TAFA1: variants seen among roughly 807,000 people sequenced by gnomAD.
TAFA1 encodes the protein chemokine-like protein TAFA-1.
A neutral mutation model predicts 18.5 loss-of-function variants in TAFA1; 4 were observed. That is an observed-to-expected ratio of 0.22 (90% CI 0.11 to 0.49). The LOEUF is 0.49. TAFA1 is among the 20% of genes least tolerant of loss of function. The pLI is 0.98. For missense variants in TAFA1, 147 were observed against 169.0 expected (o/e 0.87, Z 0.72); for synonymous variants, 56 against 55.2 (o/e 1.01, Z -0.06).
intron 2 of TAFA1, among the ~76,000 whole-genome samples, chr3:68,276,060 A>C (rs1308427391): frequency 6.6e-6 from 1 of 152,028 alleles, no homozygotes; most frequent in African/African-American, 2.4e-5. Context: ...CAATTACAAT[A>C]CCCTGACTGT....
At chr3:68,333,896 C>G (rs1349812239) in intron 2 of TAFA1, among the ~76,000 whole-genome samples, 1 of 152,098 alleles carries the variant, frequency 6.6e-6, no homozygotes, top group Non-Finnish European at 1.5e-5. Context: ...TGAAATAAGC[C>G]ATCCACAGCA....
At chr3:68,490,633 A>G (rs972093367) in intron 3 of TAFA1, among the ~76,000 whole-genome samples, 1 of 151,688 alleles carries the variant, frequency 6.6e-6, no homozygotes, top group Admixed American at 6.6e-5. Context: ...AAAATAAGCC[A>G]CTCTTCTTGC....
intron 2 of TAFA1, among the ~76,000 whole-genome samples, chr3:68,060,869 C>T (rs1007582189): frequency 2.6e-5 from 4 of 152,102 alleles, no homozygotes; most frequent in South Asian, 2.1e-4. Context: ...AGTGGTTAGG[C>T]GCTATATAAT....
intron 2 of TAFA1, among the ~76,000 whole-genome samples, chr3:68,190,472 A>G (rs1195523765): frequency 1.3e-5 from 2 of 151,916 alleles, no homozygotes; most frequent in Non-Finnish European, 2.9e-5. Context: ...ACCCTTTTAG[A>G]GTCCATCACC....
At chr3:68,381,414 C>T (rs1265490009) in intron 2 of TAFA1, among the ~76,000 whole-genome samples, 1 of 151,864 alleles carries the variant, frequency 6.6e-6, no homozygotes, top group Non-Finnish European at 1.5e-5. Context: ...ATGGAATGTT[C>T]TTCCATTTCT....
chr3:68,285,400 T>C (rs1229474046), intron 2 of TAFA1, among the ~76,000 whole-genome samples: 1 of 152,114 alleles, frequency 6.6e-6, no homozygotes, highest in Admixed American at 6.5e-5. Flanking sequence ...TTTTAAGATT[T>C]GTAGATTTTA....
intron 2 of TAFA1, among the ~76,000 whole-genome samples, chr3:68,377,545 C>G (rs926990880): frequency 1.9e-4 from 29 of 152,110 alleles, no homozygotes; most frequent in Non-Finnish European, 4.4e-5. Flanking sequence ...AAATTTGCAG[C>G]CTGATGATGC....
intron 2 of TAFA1, among the ~76,000 whole-genome samples, chr3:68,159,048 C>A (rs2065896979): frequency 6.6e-6 from 1 of 151,942 alleles, no homozygotes; most frequent in South Asian, 2.1e-4. Flanking sequence ...GTTCAATTTG[C>A]TGGGGGCTGA....
chr3:68,071,005 A>G (rs1269249538), intron 2 of TAFA1, among the ~76,000 whole-genome samples: 1 of 152,144 alleles, frequency 6.6e-6, no homozygotes, highest in Non-Finnish European at 1.5e-5. Context: ...ACCCCTCTGA[A>G]CTGTTCCAAC....
chr3:68,262,343 A>ATG (rs1559585934), intron 2 of TAFA1, among the ~76,000 whole-genome samples: 1 of 88,052 alleles, frequency 1.1e-5, no homozygotes, highest in Admixed American at 1.5e-4. Context: ...ATATATATAT[A>ATG]TATATATATA....
intron 2 of TAFA1, among the ~76,000 whole-genome samples, chr3:68,126,093 C>G (rs1252601375): frequency 1.3e-5 from 2 of 152,150 alleles, no homozygotes; most frequent in Non-Finnish European, 2.9e-5. Context: ...CTAGAATCAC[C>G]TTTCAGGTCC....
intron 2 of TAFA1, among the ~76,000 whole-genome samples, chr3:68,394,177 A>ATC (rs2070327311): frequency 1.3e-5 from 2 of 152,214 alleles, no homozygotes; most frequent in African/African-American, 4.8e-5. Flanking sequence ...ACAGAGCCAA[A>ATC]TCATGAGTAA....
intron 3 of TAFA1, among the ~76,000 whole-genome samples, chr3:68,455,018 T>C (rs1266351232): frequency 6.6e-6 from 1 of 152,160 alleles, no homozygotes; most frequent in East Asian, 1.9e-4. Context: ...ATTGATAACA[T>C]AAAACATCGA....
At chr3:68,013,912 C>T (rs1372830351) in intron 2 of TAFA1, among the ~76,000 whole-genome samples, 1 of 152,188 alleles carries the variant, frequency 6.6e-6, no homozygotes, top group Non-Finnish European at 1.5e-5. Flanking sequence ...GCAGATCTTT[C>T]TTTAACGCAG....
intron 2 of TAFA1, among the ~76,000 whole-genome samples, chr3:68,150,873 G>GT: frequency 6.6e-6 from 1 of 152,076 alleles, no homozygotes; most frequent in East Asian, 1.9e-4. Context: ...AGCTACTTTT[G>GT]TTGAGCATTA....
At chr3:68,331,856 CTTTTTTT>C (rs60291932) in intron 2 of TAFA1, among the ~76,000 whole-genome samples, 3 of 76,196 alleles carry the variant, frequency 3.9e-5, no homozygotes, top group Non-Finnish European at 7.0e-5. Context: ...CTTTTCTTTT[CTTTTTTT>C]TTTTTTTTTT....
intron 2 of TAFA1, among the ~76,000 whole-genome samples, chr3:68,143,701 G>C (rs923153359): frequency 6.6e-6 from 1 of 152,186 alleles, no homozygotes; most frequent in Admixed American, 6.5e-5. Context: ...CTGGTTGAGA[G>C]CCACTGAGCC....
chr3:68,033,567 G>C (rs1342065656), intron 2 of TAFA1, among the ~76,000 whole-genome samples: 1 of 152,056 alleles, frequency 6.6e-6, no homozygotes, highest in Non-Finnish European at 1.5e-5. Flanking sequence ...TGAGAGCATT[G>C]TACTTTTATA....
At chr3:68,173,910 A>AT (rs59044118) in intron 2 of TAFA1, among the ~76,000 whole-genome samples, 2 of 136,024 alleles carry the variant, frequency 1.5e-5, no homozygotes, top group African/African-American at 5.4e-5. Flanking sequence ...AATTAAAAAA[A>AT]TATATATTTC....
Sources: allele counts gnomAD v4.1 joint callset (sites outside exome capture counted in the v4.1 genomes callset), GRCh38; gene constraint gnomAD v4.1.1; transcripts MANE v1.5; gene names NCBI Gene and HGNC (gene_info 2026-07-23, HGNC 2026-07-21).